DNAJC7: variants seen among roughly 807,000 people sequenced by gnomAD.
The protein encoded by DNAJC7 is dnaJ homolog subfamily C member 7.
DNAJC7 carries 18 observed loss-of-function variants against 67.4 expected under a neutral mutation model. The ratio of observed to expected loss-of-function variants is 0.27; its 90% CI spans 0.18 to 0.40. The LOEUF is 0.40. DNAJC7 is among the 10% of genes least tolerant of loss of function. The probability of loss-of-function intolerance (pLI) is 1.00; values close to 1 mark genes in which losing one functional copy is unlikely to be tolerated. For missense variants in DNAJC7, 419 were observed against 613.8 expected (o/e 0.68, Z 3.35); for synonymous variants, 220 against 207.8 (o/e 1.06, Z -0.50).
At chr17:42,001,649 G>T (rs1271568427) in intron 1 of DNAJC7, among the ~76,000 whole-genome samples, 1 of 152,184 alleles carries the variant, frequency 6.6e-6, no homozygotes, top group East Asian at 1.9e-4. Flanking sequence ...ATGCAAAAAA[G>T]AACCTAGTTC....
chr17:41,999,585 A>C (rs1598141398), intron 2 of DNAJC7, among the ~76,000 whole-genome samples: 1 of 151,918 alleles, frequency 6.6e-6, no homozygotes, highest in African/African-American at 2.4e-5. Flanking sequence ...CAACGGCAGG[A>C]TCTCAGCTCA....
chr17:42,016,649 C>T (rs34762009), intron 1 of DNAJC7: 2,936 of 152,886 alleles, frequency 0.019, 94 homozygotes, highest in African/African-American at 0.068. Flanking sequence ...TTCGGAGTGC[C>T]AACAGCGCCC....
At chr17:41,994,355 C>A (rs9910182) in intron 5 of DNAJC7, among the ~76,000 whole-genome samples, 3 of 148,714 alleles carry the variant, frequency 2.0e-5, no homozygotes, top group African/African-American at 5.0e-5. Flanking sequence ...ACAACAACAA[C>A]AAAAAACAAA....
At chr17:42,001,369 G>C (rs572652233) in intron 1 of DNAJC7, among the ~76,000 whole-genome samples, 15 of 152,220 alleles carry the variant, frequency 9.9e-5, no homozygotes, top group African/African-American at 3.6e-4. Flanking sequence ...TTTTGAAACT[G>C]TGCCATTAGA....
At chr17:42,006,537 G>A (rs575029822) in intron 1 of DNAJC7, among the ~76,000 whole-genome samples, 49 of 151,508 alleles carry the variant, frequency 3.2e-4, no homozygotes, top group Admixed American at 2.4e-3. Context: ...GGTGGCTCAC[G>A]CCTGTAATCC....
intron 12 of DNAJC7, among the ~76,000 whole-genome samples, chr17:41,978,282 C>T (rs1555645290): frequency 6.6e-6 from 1 of 152,162 alleles, no homozygotes; most frequent in Non-Finnish European, 1.5e-5. Flanking sequence ...CCACCTCGTG[C>T]CCAGAGTGAG....
intron 9 of DNAJC7, chr17:41,985,796 T>C (rs1804872568): frequency 6.6e-6 from 1 of 152,096 alleles, no homozygotes; most frequent in Non-Finnish European, 1.5e-5. Context: ...TCTTGTCAAT[T>C]CCAGCTGCTT....
intron 12 of DNAJC7, among the ~76,000 whole-genome samples, chr17:41,981,053 A>T (rs113134842): frequency 6.1e-4 from 92 of 151,766 alleles, no homozygotes; most frequent in African/African-American, 2.1e-3. Flanking sequence ...TTTAGTGGGG[A>T]GGGATGGAGT....
Position 41,981,797 on chromosome 17 carries a change from A to T in DNAJC7, c.1384+58T>A, listed in dbSNP as rs2051258665. On this transcript the variant is annotated intron_variant, in intron 12 of 13. Transcript: ENST00000457167. ...ACTCTCCCTCTGGAGCATCTTTGGA[A>T]AAAATTCTAACATTCTACAGCTGTC... 3.1e-6 allele frequency: 5 copies of T among 1,588,352 alleles called. No individual in the cohort carries two copies. The South Asian group carries it at 5.7e-5, about 18-fold the overall frequency.
chr17:41,984,796 A>G (rs2051336501), intron 9 of DNAJC7: 1 of 151,498 alleles, frequency 6.6e-6, no homozygotes, highest in African/African-American at 2.4e-5. Context: ...CAGAGATTCA[A>G]TTTCTTACCT....
chr17:42,016,992 G>C (rs1598162160), intron 1 of DNAJC7: 3 of 1,257,190 alleles, frequency 2.4e-6, no homozygotes, highest in East Asian at 9.0e-5. Context: ...CGCGGGGGTC[G>C]GGGGCGATGT....
At position 41,976,456 on chromosome 17, in the gene DNAJC7, A is replaced by G; in HGVS notation, c.*277T>C. ...GGGCCAGGAAGGGTCAAAACATTTT[A>G]TTCTCTTTTTTTTTTCTTTTTTAAT... is the stretch of plus-strand genomic sequence containing the variant. On this transcript the variant is annotated 3_prime_UTR_variant, in exon 14 of 14. Coordinates refer to ENST00000457167, the MANE Select transcript of DNAJC7 (RefSeq NM_003315.4). 2.7e-6 allele frequency: 1 copy of G among 371,760 alleles called. No individual in the cohort carries two copies. The highest frequency in any genetic ancestry group is 4.6e-6 in the Non-Finnish European group (1 of 216,358). The allele number at this position is 371,760 out of a possible 1,614,324, so 23.0% of individuals were successfully genotyped here. A position where few individuals can be genotyped will look rare whatever the true frequency, so the allele number is the denominator to read the frequency against.
chr17:41,976,875 C>T, intron 13 of DNAJC7, 105 bp from the exon 14 acceptor site: 2 of 1,393,878 alleles, frequency 1.4e-6, no homozygotes, highest in Non-Finnish European at 2.0e-6. Context: ...AACTCAAACA[C>T]AGAGAGAAAC....
chr17:41,976,621 A>G lies in DNAJC7; in HGVS notation c.*112T>C. On this transcript the variant is annotated 3_prime_UTR_variant, in exon 14 of 14. Coordinates refer to ENST00000457167, the MANE Select transcript of DNAJC7 (RefSeq NM_003315.4). ...CACAGGGCATCCAACTGAGAAAACG[A>G]AACTGCTCTAAGCACACGGAGACGT... The G allele has an allele frequency of 1.4e-6, 2 of 1,425,168 alleles. No homozygotes were observed. Among genetic ancestry groups the G allele is most frequent in the South Asian group, 2.6e-5 (2 of 76,346 alleles). The allele number at this position is 1,425,168 out of a possible 1,614,324, so 88.3% of individuals were successfully genotyped here.
chr17:41,983,639 G>A lies in DNAJC7; in HGVS notation c.1011-3C>T, dbSNP rs1555646337. The stretch of plus-strand genomic sequence containing the variant: ...CATACTGTTCTGTGTCCATGTAACT[G>A]AGAAGGAAATACAAGGCAATACAGC... On this transcript the variant is annotated splice_region_variant and splice_polypyrimidine_tract_variant and intron_variant, in intron 9 of 13. Transcript: ENST00000457167. 1.2e-6 allele frequency: 2 copies of A among 1,600,288 alleles called. No homozygotes were observed. Among genetic ancestry groups the A allele is most frequent in the Non-Finnish European group, 1.7e-6 (2 of 1,172,522 alleles).
intron 1 of DNAJC7, chr17:42,017,138 C>T (rs2052323019): frequency 3.4e-6 from 5 of 1,478,190 alleles, no homozygotes; most frequent in African/African-American, 1.4e-5. Flanking sequence ...TCAGCTCCTA[C>T]GCCAGGCGGA....
intron 1 of DNAJC7, among the ~76,000 whole-genome samples, chr17:42,012,465 G>A (rs2052145986): frequency 6.6e-6 from 1 of 152,198 alleles, no homozygotes; most frequent in Non-Finnish European, 1.5e-5. Context: ...CCTGGTGACA[G>A]AGCGAGACTC....
chr17:41,981,173 C>G (rs782762928), intron 12 of DNAJC7, among the ~76,000 whole-genome samples: 31 of 152,020 alleles, frequency 2.0e-4, no homozygotes, highest in Admixed American at 4.6e-4. Flanking sequence ...CCACACCTGG[C>G]TAATTTTTCT....
chr17:42,011,835 TAAGTG>T (rs1478832446), intron 1 of DNAJC7: 3 of 152,166 alleles, frequency 2.0e-5, no homozygotes, highest in African/African-American at 7.2e-5. Context: ...GCTCTTCAGT[TAAGTG>T]AGGCCACAAA....
Sources: gnomAD v4.1 joint callset for allele counts (sites outside exome capture counted in the v4.1 genomes callset) on GRCh38, gnomAD v4.1.1 for gene constraint, MANE v1.5 for transcripts, NCBI Gene and HGNC (gene_info 2026-07-23, HGNC 2026-07-21) for gene names.